Variants in TPST1 observed in about 807,000 individuals in gnomAD.
The protein encoded by TPST1 is tyrosylprotein sulfotransferase 1.
TPST1 carries 20 observed loss-of-function variants against 34.8 expected under a neutral mutation model. The observed-to-expected ratio is 0.57, with a 90% CI of 0.40 to 0.84. The LOEUF (loss-of-function observed/expected upper bound fraction) is 0.84, where lower values mean the gene tolerates loss of function less well. Among genes scored for constraint, TPST1 ranks in the 40% least tolerant of loss-of-function variants. The pLI is 0.00. For synonymous variants in TPST1, 152 were observed against 159.4 expected, an observed-to-expected ratio of 0.95 and a Z score of 0.35; for missense variants, 353 against 455.5, an observed-to-expected ratio of 0.78 and a Z score of 2.05.
upstream of TPST1, among the ~76,000 whole-genome samples, chr7:66,200,778 G>T (rs1789026470): frequency 6.6e-6 from 1 of 151,950 alleles, no homozygotes; most frequent in Non-Finnish European, 1.5e-5. Flanking sequence ...TCAGGCTGGA[G>T]TGCAGTTGCA....
intron 2 of TPST1, among the ~76,000 whole-genome samples, chr7:66,249,901 C>G (rs536174581): frequency 1.3e-5 from 2 of 152,326 alleles, no homozygotes; most frequent in South Asian, 4.1e-4. Flanking sequence ...TAAGGAAGAT[C>G]TCTCCAAGGC....
chr7:66,264,855 A>G (rs1020727187), intron 2 of TPST1, among the ~76,000 whole-genome samples: 2 of 152,340 alleles, frequency 1.3e-5, no homozygotes, highest in Admixed American at 6.5e-5. Context: ...TATATTAGCT[A>G]TTTAAAATAA....
At chr7:66,301,665 G>A (rs1400955329) in intron 3 of TPST1, among the ~76,000 whole-genome samples, 2 of 152,194 alleles carry the variant, frequency 1.3e-5, no homozygotes, top group Non-Finnish European at 2.9e-5. Context: ...AGGAGAGGGA[G>A]AGAGATGGGG....
chr7:66,314,846 T>G (rs1791602144), intron 3 of TPST1, among the ~76,000 whole-genome samples: 1 of 152,202 alleles, frequency 6.6e-6, no homozygotes, highest in Non-Finnish European at 1.5e-5. Context: ...AAATACAGAA[T>G]TATAATCTTA....
intron 1 of TPST1, 114 bp from the exon 2 acceptor site, chr7:66,240,211 A>G: frequency 1.6e-6 from 1 of 610,516 alleles, no homozygotes; most frequent in Non-Finnish European, 2.7e-6. Flanking sequence ...AGAATATCAA[A>G]GAATCCAAGA....
At chr7:66,245,296 C>T (rs1197892470) in intron 2 of TPST1, among the ~76,000 whole-genome samples, 3 of 152,152 alleles carry the variant, frequency 2.0e-5, no homozygotes, top group Admixed American at 2.0e-4. Context: ...ACTCTGAATA[C>T]AGCATGGGCA....
At chr7:66,357,807 T>C (rs1318823676) in intron 5 of TPST1, among the ~76,000 whole-genome samples, 5 of 152,222 alleles carry the variant, frequency 3.3e-5, no homozygotes, top group East Asian at 1.9e-4. Flanking sequence ...TGATATTGGC[T>C]GGGCATGGTG....
chr7:66,263,581 C>G (rs1328222535), intron 2 of TPST1, among the ~76,000 whole-genome samples: 1 of 152,198 alleles, frequency 6.6e-6, no homozygotes, highest in Non-Finnish European at 1.5e-5. Flanking sequence ...ACTCCAGTGT[C>G]ATAATTACTA....
At chr7:66,357,564 TTCTA>T (rs1476338668) in intron 5 of TPST1, among the ~76,000 whole-genome samples, 2 of 152,218 alleles carry the variant, frequency 1.3e-5, no homozygotes, top group Non-Finnish European at 2.9e-5. Context: ...TCAGCCCTTT[TTCTA>T]TCTGAGTATG....
chr7:66,251,981 T>G (rs1790271624), intron 2 of TPST1, among the ~76,000 whole-genome samples: 1 of 152,198 alleles, frequency 6.6e-6, no homozygotes, highest in Admixed American at 6.5e-5. Context: ...TGAAGGTGTT[T>G]CCTTCAAGAG....
chr7:66,247,791 G>A (rs563118410), intron 2 of TPST1, among the ~76,000 whole-genome samples: 1 of 152,272 alleles, frequency 6.6e-6, no homozygotes, highest in East Asian at 1.9e-4. Flanking sequence ...GTGGTTTACA[G>A]AATTCAAAGG....
intron 3 of TPST1, among the ~76,000 whole-genome samples, chr7:66,319,608 T>C (rs1435505822): frequency 6.6e-6 from 1 of 152,212 alleles, no homozygotes; most frequent in Admixed American, 6.5e-5. Flanking sequence ...TGTTGCATTG[T>C]CCAGATACAC....
intron 4 of TPST1, among the ~76,000 whole-genome samples, chr7:66,353,105 G>T (rs1462464586): frequency 3.3e-5 from 5 of 152,086 alleles, no homozygotes; most frequent in African/African-American, 9.7e-5. Context: ...ACTTGAAGTC[G>T]GGAGTTCAAG....
intron 3 of TPST1, among the ~76,000 whole-genome samples, chr7:66,338,409 T>G (rs1172319427): frequency 1.3e-5 from 2 of 152,154 alleles, no homozygotes; most frequent in Non-Finnish European, 1.5e-5. Flanking sequence ...ACTTTCAATG[T>G]GAACAGATCA....
chr7:66,208,771 T>G (rs931705142), intron 1 of TPST1, among the ~76,000 whole-genome samples: 1 of 151,846 alleles, frequency 6.6e-6, no homozygotes, highest in Admixed American at 6.6e-5. Context: ...GCCCAGCCCA[T>G]TTTTACTATT....
chr7:66,231,597 T>C (rs1309120367), intron 1 of TPST1, among the ~76,000 whole-genome samples: 1 of 152,240 alleles, frequency 6.6e-6, no homozygotes, highest in Non-Finnish European at 1.5e-5. Context: ...AAGCCCCTCA[T>C]TGCCCGGGGC....
upstream of TPST1, among the ~76,000 whole-genome samples, chr7:66,204,908 G>A (rs1418625416): frequency 6.6e-6 from 1 of 152,256 alleles, no homozygotes; most frequent in Non-Finnish European, 1.5e-5. Context: ...CAGAGGAGAG[G>A]AATTATCAGG....
In TPST1 at chr7:66,346,351, G is replaced by C. The variant is rs543922256; in HGVS notation, c.1045-6154G>C. On this transcript the variant is annotated intron_variant, in intron 3 of 5. Transcript: ENST00000304842. ...TCTTTTGGGTATATTCCTAGTAGTGGGATTGCTAGATCATATGGTAGTTCC... is the reference window on the plus strand; with the variant it reads ...TCTTTTGGGTATATTCCTAGTAGTGCGATTGCTAGATCATATGGTAGTTCC... Among the ~76,000 whole-genome samples, 9 of 152,166 alleles carry C rather than the reference G, an allele frequency of 5.9e-5. No homozygotes were observed. The East Asian group carries it at 1.7e-3, about 29-fold the overall frequency.
chr7:66,354,669 A>T (rs1792548269), intron 4 of TPST1, among the ~76,000 whole-genome samples: 1 of 151,968 alleles, frequency 6.6e-6, no homozygotes, highest in Admixed American at 6.6e-5. Flanking sequence ...AATGGATTGC[A>T]CACCTAAATG....
Sources: allele counts gnomAD v4.1 joint callset (sites outside exome capture counted in the v4.1 genomes callset), GRCh38; gene constraint gnomAD v4.1.1; transcripts MANE v1.5; gene names NCBI Gene and HGNC (gene_info 2026-07-23, HGNC 2026-07-21).